CD82: variants seen among roughly 807,000 people sequenced by gnomAD.
The protein encoded by CD82 is CD82 antigen.
A neutral mutation model predicts 37.4 loss-of-function variants in CD82; 36 were observed. The ratio of observed to expected loss-of-function variants is 0.96; its 90% CI spans 0.74 to 1.27. The LOEUF is 1.27. Ranked by LOEUF, CD82 falls within the 50% of genes most tolerant of loss-of-function variation. The pLI is 0.00. For synonymous variants in CD82, 158 were observed against 137.4 expected, an observed-to-expected ratio of 1.15 and a Z score of -1.05; for missense variants, 340 against 347.0, an observed-to-expected ratio of 0.98 and a Z score of 0.16.
intron 6 of CD82, among the ~76,000 whole-genome samples, chr11:44,610,048 A>C (rs1028135802): frequency 5.3e-5 from 8 of 152,102 alleles, no homozygotes; most frequent in African/African-American, 1.7e-4. Context: ...CCAACATCTC[A>C]TGTGGGAAAC....
At chr11:44,574,407 C>CT (rs1430233562) in intron 1 of CD82, among the ~76,000 whole-genome samples, 1 of 152,218 alleles carries the variant, frequency 6.6e-6, no homozygotes, top group Non-Finnish European at 1.5e-5. Flanking sequence ...CCACCCTTGG[C>CT]TTCCCCATTT....
chr11:44,604,901 A>T, intron 4 of CD82, 157 bp from the exon 5 acceptor site: 1 of 958,620 alleles, frequency 1.0e-6, no homozygotes, highest in Non-Finnish European at 1.6e-6. Context: ...GATGGGGGTG[A>T]CCTGGTTCCC....
chr11:44,586,961 A>T (rs1022002500), intron 1 of CD82, among the ~76,000 whole-genome samples: 32 of 152,190 alleles, frequency 2.1e-4, no homozygotes, highest in Non-Finnish European at 2.9e-5. Flanking sequence ...ACACTAGTGA[A>T]CAAATAGGCT....
intron 1 of CD82, among the ~76,000 whole-genome samples, chr11:44,583,793 T>C (rs1853014508): frequency 6.6e-6 from 1 of 152,188 alleles, no homozygotes; most frequent in South Asian, 2.1e-4. Flanking sequence ...TTATGGAGAT[T>C]GCATGGGATA....
At position 44,597,083 on chromosome 11, in the gene CD82, G is replaced by A; in HGVS notation, c.63+2358G>A. ...CCCCAGGCATAGACCCGGCCAGCCT[G>A]CCTCTTTGTTTTATGCACATTGGGA... On this transcript the variant is annotated intron_variant, in intron 3 of 9. Coordinates refer to ENST00000227155, the MANE Select transcript of CD82 (RefSeq NM_002231.4). This position sits in a 1 kb window ranked among gnomAD's most constrained non-coding sequence, Gnocchi z 4.1. The A allele has an allele frequency of 2.2e-6, 1 of 452,914 alleles. No individual in the cohort carries two copies. Among genetic ancestry groups the A allele is most frequent in the Non-Finnish European group, 4.4e-6 (1 of 225,900 alleles). 28.1% of individuals were successfully genotyped at this position (452,914 alleles called of 1,614,324 possible).
chr11:44,602,884 T>A (rs1458404540), intron 4 of CD82, among the ~76,000 whole-genome samples: 1 of 152,106 alleles, frequency 6.6e-6, no homozygotes, highest in African/African-American at 2.4e-5. Context: ...TCAGCCCTGA[T>A]CCTTCCCTGC....
At chr11:44,579,824 AC>A (rs1852955203) in intron 1 of CD82, among the ~76,000 whole-genome samples, 1 of 152,000 alleles carries the variant, frequency 6.6e-6, no homozygotes, top group African/African-American at 2.4e-5. Context: ...TCTCAGGGCC[AC>A]CCCTTGCAGG....
chr11:44,619,007 G>T (rs141512107), intron 9 of CD82, 42 bp from the exon 10 acceptor site: 1 of 1,560,138 alleles, frequency 6.4e-7, no homozygotes, highest in Non-Finnish European at 8.8e-7. Flanking sequence ...GTCTGAGGCC[G>T]GGACACCCAG....
At chr11:44,607,332 A>G (rs1853412618) in intron 6 of CD82, among the ~76,000 whole-genome samples, 1 of 152,254 alleles carries the variant, frequency 6.6e-6, no homozygotes, top group Non-Finnish European at 1.5e-5. Context: ...TTTGTAGATG[A>G]AAAGCAGCTT....
Position 44,615,329 on chromosome 11 carries a change from C to A in CD82, c.394C>A (p.Arg132Ser), listed in dbSNP as rs142819851. 1.2e-6 allele frequency: 2 copies of A among 1,613,706 alleles called. No homozygotes were observed. The highest frequency in any genetic ancestry group is 2.2e-5 in the South Asian group (2 of 91,046). The change falls in exon 7 of 10, where the codon CGC becomes AGC. Residue 132 changes from arginine (R) to serine (S), a missense_variant. Transcript: ENST00000227155. The stretch of plus-strand genomic sequence containing the variant: ...GCTCATTCGAGACTACAACAGCAGT[C>A]GCGAGGACAGCCTGCAGGATGCCTG... ...TELIRDYNSS[R>S]EDSLQDAWDY...
chr11:44,568,512 T>A (rs142427966), intron 1 of CD82, among the ~76,000 whole-genome samples: 1 of 121,046 alleles, frequency 8.3e-6, no homozygotes, highest in East Asian at 3.0e-4. Context: ...CAGCAGTAAG[T>A]TTGGGGGTCG....
Position 44,618,739 on chromosome 11 carries a change from C to A in CD82, c.726+16C>A. 1.9e-6 allele frequency: 3 copies of A among 1,602,130 alleles called. No individual in the cohort carries two copies. Among genetic ancestry groups the A allele is most frequent in the Non-Finnish European group, 2.6e-6 (3 of 1,170,222 alleles). On this transcript the variant is annotated intron_variant, in intron 9 of 9. Transcript: ENST00000227155. ...CATCATCGAGGTCTGAGCCCCCTCC[C>A]CCATCCCTTCTCCATCCCAGGTCCT...
At chr11:44,608,165 T>A (rs1453337435) in intron 6 of CD82, 1 of 152,196 alleles carries the variant, frequency 6.6e-6, no homozygotes, top group Non-Finnish European at 1.5e-5. Flanking sequence ...ATACTCTTGA[T>A]GTGTTTATTC....
rs562318494 is a variant in CD82, at chr11:44,605,126, A to T, written c.205A>T (p.Met69Leu). Residue 69 changes from methionine to leucine, a missense_variant, in exon 5 of 10, where the codon ATG becomes TTG. Transcript: ENST00000227155. ...FIGVGAVTML[M>L]GFLGCIGAVN... ...CGGCGTGGGGGCAGTCACTATGCTC[A>T]TGGGCTTCCTGGGCTGCATCGGCGC... 1.2e-5 allele frequency: 19 copies of T among 1,614,178 alleles called. No individual in the cohort carries two copies. Among genetic ancestry groups the T allele is most frequent in the South Asian group, 5.5e-5 (5 of 91,086 alleles).
At chr11:44,596,143 A>T (rs1466230102) in intron 3 of CD82, among the ~76,000 whole-genome samples, 2 of 151,992 alleles carry the variant, frequency 1.3e-5, no homozygotes, top group African/African-American at 4.8e-5. Flanking sequence ...CCCTCTGCTC[A>T]TGGCAGCCGG....
At chr11:44,593,994 TAC>T (rs10532667) in intron 2 of CD82, among the ~76,000 whole-genome samples, 6,046 of 151,208 alleles carry the variant, frequency 0.04, 143 homozygotes, top group Middle Eastern at 0.12. Context: ...CCATTTGTTA[TAC>T]ACACACACAC....
chr11:44,580,363 G>A (rs1324817399), intron 1 of CD82, among the ~76,000 whole-genome samples: 4 of 152,212 alleles, frequency 2.6e-5, no homozygotes, highest in Admixed American at 6.5e-5. Flanking sequence ...TATAGCCTTG[G>A]GAGGCAGGAA....
chr11:44,611,842 A>ATGGAAACCACCCATCTAGG (rs79507860), intron 6 of CD82, among the ~76,000 whole-genome samples: 1 of 152,126 alleles, frequency 6.6e-6, no homozygotes, highest in African/African-American at 2.4e-5. Flanking sequence ...TGGTGTTTCC[A>ATGGAAACCACCCATCTAGG]TGGAAACCAC....
chr11:44,599,993 T>A (rs1853284036), intron 3 of CD82, among the ~76,000 whole-genome samples, 165 bp from the exon 4 acceptor site: 1 of 152,146 alleles, frequency 6.6e-6, no homozygotes, highest in Non-Finnish European at 1.5e-5. Flanking sequence ...CTTGCTGCGA[T>A]GTGGGACCGG....
Sources: allele counts gnomAD v4.1 joint callset (sites outside exome capture counted in the v4.1 genomes callset), GRCh38; gene constraint gnomAD v4.1.1; non-coding constraint Gnocchi (gnomAD v3.1); transcripts MANE v1.5; gene names NCBI Gene and HGNC (gene_info 2026-07-23, HGNC 2026-07-21).